The following LINGO2 variants were observed in gnomAD, a reference collection of about 807,000 sequenced individuals.
The protein encoded by LINGO2 is leucine rich repeat and Ig domain containing 2.
Under a neutral mutation model 30.6 loss-of-function variants are expected in LINGO2, and 14 were observed. The observed-to-expected ratio is 0.46, with a 90% CI of 0.30 to 0.72. The LOEUF (loss-of-function observed/expected upper bound fraction) is 0.72, where lower values mean the gene tolerates loss of function less well. Ranked by LOEUF, LINGO2 falls within the 30% of genes least tolerant of loss-of-function variation. LINGO2 has a pLI of 0.07. For missense variants in LINGO2, 729 were observed against 751.7 expected (o/e 0.97, Z 0.35); for synonymous variants, 317 against 288.5 (o/e 1.10, Z -1.00).
chr9:29,078,821 C>T, the LINGO2 span, among the ~76,000 whole-genome samples: 16 of 151,868 alleles, frequency 1.1e-4, 1 homozygote, highest in African/African-American at 3.9e-4. Flanking sequence ...AAGAATGTTT[C>T]CCCAACTACC....
At chr9:29,048,126 AAAAAT>A in the LINGO2 span, among the ~76,000 whole-genome samples, 1 of 151,972 alleles carries the variant, frequency 6.6e-6, no homozygotes, top group African/African-American at 2.4e-5. Context: ...TAATAATAAT[AAAAAT>A]AAAATAAAAT....
chr9:28,168,769 C>T (rs892059620), intron 4 of LINGO2, among the ~76,000 whole-genome samples: 8 of 152,290 alleles, frequency 5.3e-5, no homozygotes, highest in South Asian at 2.1e-4. Flanking sequence ...CCTTGTAACA[C>T]GCATGTATTA....
the LINGO2 span, among the ~76,000 whole-genome samples, chr9:28,807,460 C>A: frequency 6.6e-6 from 1 of 152,122 alleles, no homozygotes; most frequent in African/African-American, 2.4e-5. Context: ...ATTTCTAAAA[C>A]TAAGTTCAAG....
intron 2 of LINGO2, among the ~76,000 whole-genome samples, chr9:28,475,440 C>G (rs1825690815): frequency 6.6e-6 from 1 of 152,106 alleles, no homozygotes; most frequent in Non-Finnish European, 1.5e-5. Context: ...CTGTTAATAG[C>G]AAACTTTCTT....
At chr9:29,049,581 A>G in the LINGO2 span, among the ~76,000 whole-genome samples, 1 of 152,196 alleles carries the variant, frequency 6.6e-6, no homozygotes, top group Non-Finnish European at 1.5e-5. Context: ...GATAAAGAAA[A>G]TGTGGTACAT....
chr9:29,101,989 T>A, the LINGO2 span, among the ~76,000 whole-genome samples: 9 of 152,180 alleles, frequency 5.9e-5, no homozygotes, highest in Non-Finnish European at 1.0e-4. Flanking sequence ...CCAGCTTCCA[T>A]AGTGCTTTAT....
intron 1 of LINGO2, among the ~76,000 whole-genome samples, chr9:28,603,557 T>C (rs975965121): frequency 2.0e-5 from 3 of 152,060 alleles, no homozygotes; most frequent in Admixed American, 6.6e-5. Flanking sequence ...AGCATGTCAA[T>C]ATTTTTAAAA....
In LINGO2 at chr9:28,190,278, G is replaced by A. The variant is rs1216882460; in HGVS notation, c.-87+104930C>T. Among the ~76,000 whole-genome samples the A allele has an allele frequency of 3.3e-5, 5 of 152,006 alleles. No individual in the cohort carries two copies. In the East Asian group the frequency reaches 9.6e-4, roughly 29 times the overall value. ...TGTATCTGTTTTTATTTTTTTCTCG[G>A]AAGAAGTTAGTAGCTTGTGCAGAGT... is the stretch of plus-strand genomic sequence containing the variant. On this transcript the variant is annotated intron_variant, in intron 4 of 5. Coordinates refer to ENST00000379992, the Ensembl canonical transcript of LINGO2.
the LINGO2 span, among the ~76,000 whole-genome samples, chr9:28,827,022 A>C: frequency 1.3e-5 from 2 of 152,226 alleles, no homozygotes; most frequent in Non-Finnish European, 1.5e-5. Context: ...TTAAAATGGG[A>C]ATAAACCATT....
the LINGO2 span, among the ~76,000 whole-genome samples, chr9:28,911,225 T>C: frequency 8.5e-5 from 13 of 152,064 alleles, no homozygotes; most frequent in Non-Finnish European, 1.9e-4. Flanking sequence ...TTATATTAGA[T>C]CACTTATACA....
At chr9:28,334,918 C>T (rs1268839172) in intron 3 of LINGO2, among the ~76,000 whole-genome samples, 1 of 152,084 alleles carries the variant, frequency 6.6e-6, no homozygotes, top group Non-Finnish European at 1.5e-5. Context: ...GATAATGAGA[C>T]TTGTTAGGGG....
chr9:28,211,939 T>A (rs1429897502), intron 4 of LINGO2, among the ~76,000 whole-genome samples: 2 of 151,334 alleles, frequency 1.3e-5, no homozygotes, highest in Non-Finnish European at 3.0e-5. Flanking sequence ...TTTTTTTTTT[T>A]ATCGATTACT....
At chr9:29,024,915 T>A in the LINGO2 span, among the ~76,000 whole-genome samples, 1 of 152,156 alleles carries the variant, frequency 6.6e-6, no homozygotes, top group Non-Finnish European at 1.5e-5. Context: ...TTTAGCTGTA[T>A]TAAACCTGTC....
chr9:29,011,997 C>T, the LINGO2 span, among the ~76,000 whole-genome samples: 1 of 152,110 alleles, frequency 6.6e-6, no homozygotes, highest in South Asian at 2.1e-4. Context: ...TCACATTTAT[C>T]AGTGCTATGT....
intron 4 of LINGO2, among the ~76,000 whole-genome samples, chr9:28,134,299 T>C (rs1827454576): frequency 6.6e-6 from 1 of 152,216 alleles, no homozygotes; most frequent in Non-Finnish European, 1.5e-5. Context: ...AATAAGAACA[T>C]GGTTGTAGTT....
At chr9:27,998,511 G>T (rs934903771) in intron 5 of LINGO2, among the ~76,000 whole-genome samples, 6 of 152,178 alleles carry the variant, frequency 3.9e-5, no homozygotes, top group African/African-American at 1.2e-4. Flanking sequence ...TGGCACGGTG[G>T]CTCATGCCTG....
chr9:29,175,728 T>C, the LINGO2 span, among the ~76,000 whole-genome samples: 18 of 152,010 alleles, frequency 1.2e-4, no homozygotes, highest in Non-Finnish European at 8.8e-5. Context: ...GGTTTCACCA[T>C]GTTGGCCAGG....
rs1034174770 is a variant in LINGO2 at position 28,190,494 on chromosome 9, A to G, written c.-87+104714T>C. ...ATTATGTCCTGAGAGCAGAGCCCAA[A>G]TGAATGAGATTCGTGCCCTTATAAA... On this transcript the variant is annotated intron_variant, in intron 4 of 5. Transcript: ENST00000379992. 2.6e-5 allele frequency among the ~76,000 whole-genome samples: 4 copies of G among 152,132 alleles called. No individual in the cohort carries two copies. In the South Asian group the frequency reaches 8.3e-4, roughly 31 times the overall value.
At chr9:28,920,021 T>C in the LINGO2 span, among the ~76,000 whole-genome samples, 1 of 152,172 alleles carries the variant, frequency 6.6e-6, no homozygotes, top group Non-Finnish European at 1.5e-5. Flanking sequence ...TAACCAGTCC[T>C]CTTTTGAACA....
Sources: gnomAD v4.1 joint callset for allele counts (sites outside exome capture counted in the v4.1 genomes callset) on GRCh38, gnomAD v4.1.1 for gene constraint, MANE v1.5 for transcripts, NCBI Gene and HGNC (gene_info 2026-07-23, HGNC 2026-07-21) for gene names.